The following MTUS2 variants were observed in gnomAD, a reference collection of about 807,000 sequenced individuals.
The protein encoded by MTUS2 is microtubule associated scaffold protein 2.
Under a neutral mutation model 114.1 loss-of-function variants are expected in MTUS2, and 40 were observed. The observed-to-expected ratio is 0.35, with a 90% CI of 0.27 to 0.46. MTUS2 has a LOEUF of 0.46. MTUS2 is among the 20% of genes least tolerant of loss of function. The probability of loss-of-function intolerance (pLI) is 1.00; values close to 1 mark genes in which losing one functional copy is unlikely to be tolerated. For missense variants in MTUS2, 1,679 were observed against 1,705.4 expected (o/e 0.98, Z 0.27); for synonymous variants, 688 against 672.0 (o/e 1.02, Z -0.37).
rs1241995478 is a variant in MTUS2, at chr13:29,505,617, T to C, written c.*2411T>C. 1 of 231,780 alleles carries C rather than the reference T, an allele frequency of 4.3e-6. No homozygotes were observed. The highest frequency in any genetic ancestry group is 5.6e-5 in the Admixed American group (1 of 17,766). 14.4% of individuals were successfully genotyped at this position (231,780 alleles called of 1,614,324 possible). On this transcript the variant is annotated 3_prime_UTR_variant, in exon 16 of 16. Transcript: ENST00000612955. ...AATTCGGATTTCTCTCCACGTGGCG[T>C]CTGCCTCTGTCCCCTTCCAGGCTGG...
intron 2 of MTUS2, among the ~76,000 whole-genome samples, chr13:29,015,408 T>C (rs1191336212): frequency 6.6e-6 from 1 of 152,110 alleles, no homozygotes; most frequent in Admixed American, 6.5e-5. Context: ...AGTGGCATGT[T>C]TTTCTCTTGA....
chr13:29,340,079 A>G (rs1901312000), intron 7 of MTUS2, among the ~76,000 whole-genome samples: 1 of 152,270 alleles, frequency 6.6e-6, no homozygotes, highest in Non-Finnish European at 1.5e-5. Context: ...AAGCATCGCA[A>G]GCTGGCACCC....
intron 2 of MTUS2, among the ~76,000 whole-genome samples, chr13:28,855,786 A>G (rs1372751707): frequency 1.3e-5 from 2 of 152,166 alleles, no homozygotes; most frequent in African/African-American, 4.8e-5. Flanking sequence ...TTGGGTATAT[A>G]CTAGTAATGG....
At chr13:29,281,989 G>A (rs1051155800) in intron 6 of MTUS2, 124 bp downstream of exon 6, 3 of 1,119,480 alleles carry the variant, frequency 2.7e-6, no homozygotes, top group Non-Finnish European at 1.2e-6. Context: ...ATGATAGTTA[G>A]TAACAATAAT....
chr13:29,483,310 C>T (rs1025535499), intron 10 of MTUS2, among the ~76,000 whole-genome samples: 6 of 152,218 alleles, frequency 3.9e-5, no homozygotes, highest in African/African-American at 1.4e-4. Flanking sequence ...ACTCGCCGGC[C>T]GAGGCAGGCT....
intron 2 of MTUS2, among the ~76,000 whole-genome samples, chr13:28,881,893 T>C (rs1391791283): frequency 6.6e-6 from 1 of 152,184 alleles, no homozygotes; most frequent in Non-Finnish European, 1.5e-5. Context: ...ATAGAAAGTC[T>C]AGAAATGAGC....
chr13:29,128,695 C>A (rs1003227724), intron 5 of MTUS2, among the ~76,000 whole-genome samples: 20 of 152,060 alleles, frequency 1.3e-4, no homozygotes, highest in African/African-American at 4.6e-4. Flanking sequence ...ATCTTCTAAT[C>A]ATTATTTAAA....
At chr13:29,131,632 G>T (rs973262720) in intron 5 of MTUS2, among the ~76,000 whole-genome samples, 1 of 152,266 alleles carries the variant, frequency 6.6e-6, no homozygotes, top group Non-Finnish European at 1.5e-5. Context: ...GTCCAAGCCT[G>T]CTGGGAGCTA....
intron 6 of MTUS2, among the ~76,000 whole-genome samples, chr13:29,314,463 G>A (rs770567452): frequency 1.4e-4 from 21 of 152,254 alleles, no homozygotes; most frequent in African/African-American, 3.9e-4. Flanking sequence ...GAATTTTGAC[G>A]TAACCAAAAA....
chr13:28,967,076 C>T (rs1593341541), intron 2 of MTUS2, among the ~76,000 whole-genome samples: 1 of 152,206 alleles, frequency 6.6e-6, no homozygotes, highest in South Asian at 2.1e-4. Context: ...AAACTGCCTA[C>T]AAGACTTACC....
At chr13:29,012,534 A>G (rs896730870) in intron 2 of MTUS2, among the ~76,000 whole-genome samples, 1 of 152,216 alleles carries the variant, frequency 6.6e-6, no homozygotes, top group Non-Finnish European at 1.5e-5. Context: ...GTGAAATATT[A>G]CAGTGCTATA....
chr13:29,379,008 G>A (rs1410304490), intron 8 of MTUS2, among the ~76,000 whole-genome samples: 2 of 152,160 alleles, frequency 1.3e-5, no homozygotes, highest in East Asian at 3.9e-4. Context: ...GTTTTATAAA[G>A]GGCTTTTCTC....
intron 5 of MTUS2, among the ~76,000 whole-genome samples, chr13:29,222,940 C>T (rs1204386514): frequency 6.6e-6 from 1 of 152,230 alleles, no homozygotes; most frequent in East Asian, 1.9e-4. Context: ...TCGGCCCCCT[C>T]TGGACTTTGG....
intron 1 of MTUS2, among the ~76,000 whole-genome samples, chr13:28,839,522 T>C (rs1296132552): frequency 6.6e-6 from 1 of 152,176 alleles, no homozygotes; most frequent in Non-Finnish European, 1.5e-5. Context: ...AAAACTGAAG[T>C]CATGTAATCC....
intron 1 of MTUS2, among the ~76,000 whole-genome samples, chr13:28,833,919 T>G (rs1046345799): frequency 6.6e-6 from 1 of 152,152 alleles, no homozygotes; most frequent in South Asian, 2.1e-4. Context: ...AATTTCCATT[T>G]GTAATAGTAT....
intron 2 of MTUS2, among the ~76,000 whole-genome samples, chr13:29,013,723 CAT>C (rs1380396058): frequency 1.3e-5 from 2 of 152,202 alleles, no homozygotes; most frequent in East Asian, 3.9e-4. Context: ...ACAGACCTTC[CAT>C]GTGTGTGAGT....
chr13:29,364,762 A>C (rs1457414452), intron 8 of MTUS2, among the ~76,000 whole-genome samples: 1 of 152,224 alleles, frequency 6.6e-6, no homozygotes, highest in Non-Finnish European at 1.5e-5. Flanking sequence ...CACTGAGTGG[A>C]GCTCTCAGAG....
chr13:29,319,308 G>T (rs947187112), intron 6 of MTUS2, among the ~76,000 whole-genome samples: 1 of 152,194 alleles, frequency 6.6e-6, no homozygotes, highest in African/African-American at 2.4e-5. Flanking sequence ...TCATGGTGAC[G>T]TGAGGCACGA....
chr13:29,184,884 C>CA (rs1894158036), intron 5 of MTUS2, among the ~76,000 whole-genome samples: 1 of 151,646 alleles, frequency 6.6e-6, no homozygotes, highest in Non-Finnish European at 1.5e-5. Flanking sequence ...AAAGTGTGGC[C>CA]AAAAAAATCA....
Sources: gnomAD v4.1 joint callset for allele counts (sites outside exome capture counted in the v4.1 genomes callset) on GRCh38, gnomAD v4.1.1 for gene constraint, MANE v1.5 for transcripts, NCBI Gene and HGNC (gene_info 2026-07-23, HGNC 2026-07-21) for gene names.